Variants in C12orf42 observed in about 807,000 individuals in gnomAD.
The protein encoded by C12orf42 is chromosome 12 open reading frame 42.
In C12orf42, 25 loss-of-function variants were observed where a neutral mutation model predicts 21.6. That is an observed-to-expected ratio of 1.16 (90% CI 0.84 to 1.62). The LOEUF (loss-of-function observed/expected upper bound fraction) is 1.62, where lower values mean the gene tolerates loss of function less well. Ranked by LOEUF, C12orf42 falls within the 40% of genes most tolerant of loss-of-function variation. The pLI is 0.00. For synonymous variants in C12orf42, 174 were observed against 175.0 expected, an observed-to-expected ratio of 0.99 and a Z score of 0.05; for missense variants, 483 against 459.3, an observed-to-expected ratio of 1.05 and a Z score of -0.47.
At chr12:103,155,699 C>T in the C12orf42 span, among the ~76,000 whole-genome samples, 2 of 149,208 alleles carry the variant, frequency 1.3e-5, no homozygotes, top group South Asian at 4.2e-4. Flanking sequence ...TATACACATA[C>T]TTGTATATAT....
chr12:103,302,190 G>A lies in C12orf42; in HGVS notation c.1001C>T (p.Ala334Val), dbSNP rs761824831. Reference protein sequence around the residue: ...SKRLIKVCSSAPPRPTRRFHT... With the variant: ...SKRLIKVCSSVPPRPTRRFHT... Reference sequence around the variant, plus strand: ...GAAACGCCGGGTTGGGCGGGGGGGTGCTGAGGAGCAAACCTTTATTAACCT... The same window carrying A: ...GAAACGCCGGGTTGGGCGGGGGGGTACTGAGGAGCAAACCTTTATTAACCT... Residue 334 changes from alanine (A) to valine (V), a missense_variant, in exon 6 of 6, where the codon GCA becomes GTA. Coordinates refer to ENST00000548883, the MANE Select transcript of C12orf42 (RefSeq NM_198521.5). 1.9e-6 allele frequency: 3 copies of A among 1,612,654 alleles called. No individual in the cohort carries two copies. The highest frequency in any genetic ancestry group is 3.3e-5 in the Admixed American group (2 of 59,816).
chr12:103,365,478 A>G (rs1351488373), intron 4 of C12orf42, among the ~76,000 whole-genome samples: 1 of 152,142 alleles, frequency 6.6e-6, no homozygotes, highest in Non-Finnish European at 1.5e-5. Flanking sequence ...TAGCCAGAGC[A>G]ATCAGACAAG....
chr12:103,440,718 C>A (rs1196168486), intron 2 of C12orf42, among the ~76,000 whole-genome samples: 2 of 152,076 alleles, frequency 1.3e-5, no homozygotes, highest in Admixed American at 6.6e-5. Flanking sequence ...CCCAGATTGG[C>A]CTAACTCCAT....
intron 5 of C12orf42, among the ~76,000 whole-genome samples, chr12:103,305,555 T>C (rs1286368279): frequency 6.6e-6 from 1 of 152,136 alleles, no homozygotes; most frequent in Non-Finnish European, 1.5e-5. Flanking sequence ...GAATCATTCC[T>C]CCTATATCCT....
chr12:103,506,595 A>G, the C12orf42 span, among the ~76,000 whole-genome samples: 1 of 151,188 alleles, frequency 6.6e-6, no homozygotes, highest in Non-Finnish European at 1.5e-5. Flanking sequence ...GTAGCCTAGG[A>G]GCAATAGGCT....
At chr12:103,168,034 A>C in the C12orf42 span, 3 of 455,766 alleles carry the variant, frequency 6.6e-6, no homozygotes, top group Non-Finnish European at 1.3e-5. Context: ...GCATCTCTTT[A>C]TAGGTGAGGG....
the C12orf42 span, among the ~76,000 whole-genome samples, chr12:103,156,653 G>T: frequency 6.6e-6 from 1 of 152,176 alleles, no homozygotes; most frequent in African/African-American, 2.4e-5. Flanking sequence ...ACAGGCCCTT[G>T]TGTGTGTTGT....
the C12orf42 span, among the ~76,000 whole-genome samples, chr12:103,093,086 C>G: frequency 6.6e-6 from 1 of 152,210 alleles, no homozygotes; most frequent in Non-Finnish European, 1.5e-5. Context: ...CATTTCTATC[C>G]TATCCCATGA....
the C12orf42 span, among the ~76,000 whole-genome samples, chr12:103,126,602 A>G: frequency 1.3e-5 from 2 of 152,132 alleles, no homozygotes; most frequent in African/African-American, 2.4e-5. Context: ...GTGTGTAAAT[A>G]TTAGAAAGGA....
intron 2 of C12orf42, among the ~76,000 whole-genome samples, chr12:103,467,616 A>T (rs1324360648): frequency 6.6e-6 from 1 of 152,174 alleles, no homozygotes; most frequent in Non-Finnish European, 1.5e-5. Flanking sequence ...ACTTCAGTAA[A>T]TGGTCTCTAT....
At chr12:103,217,966 A>G in the C12orf42 span, among the ~76,000 whole-genome samples, 1 of 151,944 alleles carries the variant, frequency 6.6e-6, no homozygotes, top group African/African-American at 2.4e-5. Flanking sequence ...TGCATATCTC[A>G]TCATCCCTTT....
At chr12:103,205,561 G>A in the C12orf42 span, among the ~76,000 whole-genome samples, 2 of 152,144 alleles carry the variant, frequency 1.3e-5, no homozygotes, top group Non-Finnish European at 2.9e-5. Flanking sequence ...AATTCAAGAT[G>A]AGATTTGGGT....
At chr12:103,294,467 A>AAAGG (rs2037057974) in intron 4 of C12orf42, among the ~76,000 whole-genome samples, 1 of 133,172 alleles carries the variant, frequency 7.5e-6, no homozygotes, top group Non-Finnish European at 1.6e-5. Flanking sequence ...AGAAAGAAAG[A>AAAGG]AAGAAATAAG....
In C12orf42 at chr12:103,325,347, TC is replaced by T. The variant is rs1200647733; in HGVS notation, c.260-19003del. ...CTTAGGCTCTGCGGCCCCACACTGC[TC>T]CGATCTGGCATCCAGTCACAGTTAT... On this transcript the variant is annotated intron_variant, in intron 4 of 5. Coordinates refer to ENST00000548883, the MANE Select transcript of C12orf42 (RefSeq NM_198521.5). Among the ~76,000 whole-genome samples, 3 of 152,196 alleles carry T rather than the reference TC, an allele frequency of 2.0e-5. No individual in the cohort carries two copies. In the East Asian group the frequency reaches 5.8e-4, roughly 29 times the overall value.
At chr12:103,498,043 A>T (rs1361795890), upstream of C12orf42, among the ~76,000 whole-genome samples, 4 of 152,202 alleles carry the variant, frequency 2.6e-5, no homozygotes, top group Non-Finnish European at 5.9e-5. Flanking sequence ...TCAAAAAAAA[A>T]AAAGAAGAAA....
intron 2 of C12orf42, among the ~76,000 whole-genome samples, chr12:103,467,527 T>A (rs1953240714): frequency 6.6e-6 from 1 of 152,062 alleles, no homozygotes; most frequent in Non-Finnish European, 1.5e-5. Context: ...ATGGTAGGAG[T>A]GAGGGTCCTG....
At chr12:103,225,418 G>A in the C12orf42 span, among the ~76,000 whole-genome samples, 1 of 152,150 alleles carries the variant, frequency 6.6e-6, no homozygotes, top group Admixed American at 6.5e-5. Flanking sequence ...TTGCGGGACG[G>A]GATATTGGCG....
chr12:103,336,925 T>G (rs2041749661), intron 4 of C12orf42, among the ~76,000 whole-genome samples: 1 of 152,122 alleles, frequency 6.6e-6, no homozygotes, highest in South Asian at 2.1e-4. Context: ...GCACCCCACC[T>G]TCATCCAGTT....
chr12:103,397,622 A>C (rs2047646808), intron 3 of C12orf42: 1 of 152,246 alleles, frequency 6.6e-6, no homozygotes, highest in Admixed American at 6.5e-5. Context: ...CACAAAACCA[A>C]TTCCTGATGG....
Sources: allele counts gnomAD v4.1 joint callset (sites outside exome capture counted in the v4.1 genomes callset), GRCh38; gene constraint gnomAD v4.1.1; transcripts MANE v1.5; gene names NCBI Gene and HGNC (gene_info 2026-07-23, HGNC 2026-07-21).